PRKN: variants seen among roughly 807,000 people sequenced by gnomAD.
The protein encoded by PRKN is E3 ubiquitin-protein ligase parkin.
Under a neutral mutation model 59.5 loss-of-function variants are expected in PRKN, and 56 were observed. That is an observed-to-expected ratio of 0.94 (90% confidence interval 0.76 to 1.18). The LOEUF is 1.18. Ranked by LOEUF, PRKN falls within the 50% of genes most tolerant of loss-of-function variation. The pLI, the probability that PRKN is intolerant of heterozygous loss-of-function variation, is 0.00. For synonymous variants in PRKN, 250 were observed against 222.1 expected (o/e 1.13, Z -1.12); for missense variants, 657 against 596.4 (o/e 1.10, Z -1.06).
In PRKN at chr6:161,586,337, C is replaced by T. The variant is rs562428533; in HGVS notation, c.872-16921G>A. On this transcript the variant is annotated intron_variant, in intron 7 of 11. Coordinates refer to ENST00000366898, the MANE Select transcript of PRKN (RefSeq NM_004562.3). ...TCAACCTGCACCTTTGGTTTTGTCA[C>T]TATATTGCCATAGCAAAATTCAGGT... is the stretch of plus-strand genomic sequence containing the variant. Among the ~76,000 whole-genome samples the T allele has an allele frequency of 4.5e-4, 68 of 152,288 alleles. 2 individuals carry two copies. In the South Asian group the frequency reaches 0.014, roughly 31 times the overall value.
intron 1 of PRKN, among the ~76,000 whole-genome samples, chr6:162,623,632 A>C (rs1427046631): frequency 2.6e-5 from 4 of 152,168 alleles, no homozygotes; most frequent in Non-Finnish European, 5.9e-5. Flanking sequence ...TAATTTTAAA[A>C]CACAACCTAT....
intron 1 of PRKN, among the ~76,000 whole-genome samples, chr6:162,663,693 G>A (rs899088776): frequency 7.2e-5 from 11 of 152,016 alleles, no homozygotes; most frequent in African/African-American, 2.7e-4. Context: ...GATTAAGTGG[G>A]CTTCAGTTTC....
intron 9 of PRKN, among the ~76,000 whole-genome samples, chr6:161,519,765 T>C (rs1182881158): frequency 1.3e-5 from 2 of 152,242 alleles, no homozygotes; most frequent in African/African-American, 4.8e-5. Flanking sequence ...ATCATCTTCA[T>C]TGACGATGCA....
At chr6:161,645,100 T>G (rs1242120733) in intron 7 of PRKN, among the ~76,000 whole-genome samples, 1 of 152,180 alleles carries the variant, frequency 6.6e-6, no homozygotes, top group Non-Finnish European at 1.5e-5. Context: ...GGTCCAATAT[T>G]AGATGGTTAA....
chr6:161,611,204 G>A (rs894030026), intron 7 of PRKN, among the ~76,000 whole-genome samples: 1 of 152,176 alleles, frequency 6.6e-6, no homozygotes, highest in Non-Finnish European at 1.5e-5. Context: ...GAACCACCAG[G>A]CGTGGAAATA....
At chr6:162,426,609 G>T (rs562547716) in intron 2 of PRKN, among the ~76,000 whole-genome samples, 9 of 152,232 alleles carry the variant, frequency 5.9e-5, no homozygotes, top group African/African-American at 2.2e-4. Context: ...AGCTTGCCTG[G>T]CTAATTTTCA....
intron 4 of PRKN, among the ~76,000 whole-genome samples, chr6:162,150,106 A>G (rs1782202520): frequency 6.6e-6 from 1 of 152,218 alleles, no homozygotes; most frequent in Non-Finnish European, 1.5e-5. Flanking sequence ...TCGTAGTAAT[A>G]TTCCCAATAC....
intron 7 of PRKN, among the ~76,000 whole-genome samples, chr6:161,583,504 T>C (rs1044036485): frequency 6.6e-6 from 1 of 152,300 alleles, no homozygotes; most frequent in South Asian, 2.1e-4. Flanking sequence ...GCTTAATATT[T>C]ACAATTCCCT....
intron 9 of PRKN, among the ~76,000 whole-genome samples, chr6:161,474,131 T>C (rs1192786383): frequency 1.3e-5 from 2 of 152,200 alleles, no homozygotes; most frequent in Non-Finnish European, 2.9e-5. Context: ...CCACCTCTCC[T>C]GTGGTGGCAT....
At chr6:161,680,775 A>ATATTT (rs1216235673) in intron 7 of PRKN, among the ~76,000 whole-genome samples, 8 of 30,592 alleles carry the variant, frequency 2.6e-4, no homozygotes, top group South Asian at 1.1e-3. Flanking sequence ...ATATATATAT[A>ATATTT]TTTTTTTTTT....
intron 6 of PRKN, among the ~76,000 whole-genome samples, chr6:161,847,114 C>G (rs553488296): frequency 6.6e-6 from 1 of 152,232 alleles, no homozygotes; most frequent in Admixed American, 6.5e-5. Context: ...TCGAGATCAT[C>G]CTGGCCAACA....
rs1777923104 is a variant in PRKN at position 162,057,700 on chromosome 6, T to C, written c.535-3526A>G. On this transcript the variant is annotated intron_variant, in intron 4 of 11. Coordinates refer to ENST00000366898, the MANE Select transcript of PRKN (RefSeq NM_004562.3). ...CAAAAACTTTGAACTATAGTTGCTT[T>C]AGCCATGCAACTTCTGGAACACTGT... is the stretch of plus-strand genomic sequence containing the variant. Among the ~76,000 whole-genome samples the C allele has an allele frequency of 2.0e-5, 3 of 152,358 alleles. No homozygotes were observed. The South Asian group carries it at 6.2e-4, about 32-fold the overall frequency.
intron 1 of PRKN, among the ~76,000 whole-genome samples, chr6:162,525,560 A>G (rs1778246240): frequency 6.6e-6 from 1 of 152,162 alleles, no homozygotes; most frequent in Admixed American, 6.5e-5. Flanking sequence ...CCAATTTCCC[A>G]TTCTGCCTTA....
At chr6:162,051,396 G>T (rs554254886) in intron 5 of PRKN, among the ~76,000 whole-genome samples, 1 of 152,148 alleles carries the variant, frequency 6.6e-6, no homozygotes, top group Non-Finnish European at 1.5e-5. Context: ...ACAGGCTAAC[G>T]GGCCTCATGA....
chr6:161,513,411 T>G (rs1778468299), intron 9 of PRKN, among the ~76,000 whole-genome samples: 2 of 152,004 alleles, frequency 1.3e-5, no homozygotes, highest in Non-Finnish European at 2.9e-5. Flanking sequence ...TGGCTAATTT[T>G]TTTTATTTTT....
Position 161,355,035 on chromosome 6 carries a change from A to G in PRKN, c.1286-4824T>C, listed in dbSNP as rs1784694808. Among the ~76,000 whole-genome samples, 1 of 152,176 alleles carries G rather than the reference A, an allele frequency of 6.6e-6. No individual in the cohort carries two copies. Among genetic ancestry groups the G allele is most frequent in the Non-Finnish European group, 1.5e-5 (1 of 68,026 alleles). On this transcript the variant is annotated intron_variant, in intron 11 of 11. Transcript: ENST00000366898. This position sits in a 1 kb window ranked among gnomAD's most constrained non-coding sequence, Gnocchi z 6.8. ...CTAGAATATCTGCCTGCCTCACAGG[A>G]TCAAGTCCAAGCCCCAAACCTGCCA...
intron 10 of PRKN, chr6:161,370,044 C>T (rs35280474): frequency 0.087 from 37,715 of 431,914 alleles, 3,227 homozygotes; most frequent in African/African-American, 0.31. Context: ...GTAATCATCA[C>T]GATCATCTCT....
intron 6 of PRKN, among the ~76,000 whole-genome samples, chr6:161,913,481 T>G (rs539117117): frequency 6.6e-6 from 1 of 152,266 alleles, no homozygotes; most frequent in East Asian, 1.9e-4. Context: ...ACTTGCCTAT[T>G]GGATTGGAAG....
chr6:162,166,970 C>A (rs1374018510), intron 4 of PRKN, among the ~76,000 whole-genome samples: 1 of 152,164 alleles, frequency 6.6e-6, no homozygotes, highest in Non-Finnish European at 1.5e-5. Flanking sequence ...AGATTACTCC[C>A]AAATGAACCA....
Sources: allele counts gnomAD v4.1 joint callset (sites outside exome capture counted in the v4.1 genomes callset), GRCh38; gene constraint gnomAD v4.1.1; non-coding constraint Gnocchi (gnomAD v3.1); transcripts MANE v1.5; gene names NCBI Gene and HGNC (gene_info 2026-07-23, HGNC 2026-07-21).